ANKFN1: variants seen among roughly 807,000 people sequenced by gnomAD.
ANKFN1 encodes ankyrin repeat and fibronectin type-III domain-containing protein 1.
Under a neutral mutation model 108.7 loss-of-function variants are expected in ANKFN1, and 74 were observed. The ratio of observed to expected loss-of-function variants is 0.68; its 90% confidence interval spans 0.56 to 0.83. The LOEUF is 0.83. Ranked by LOEUF, ANKFN1 falls within the 40% of genes least tolerant of loss-of-function variation. The pLI is 0.00. For synonymous variants in ANKFN1, 547 were observed against 516.2 expected (o/e 1.06, Z -0.81); for missense variants, 1,505 against 1,382.3 (o/e 1.09, Z -1.41).
At chr17:56,335,897 C>G (rs1459775272) in intron 4 of ANKFN1, among the ~76,000 whole-genome samples, 3 of 152,136 alleles carry the variant, frequency 2.0e-5, no homozygotes, top group Admixed American at 2.0e-4. Context: ...TCCACCAATA[C>G]CTAGTTTATT....
intron 18 of ANKFN1, among the ~76,000 whole-genome samples, chr17:56,488,221 G>A (rs2050915832): frequency 6.6e-6 from 1 of 152,080 alleles, no homozygotes; most frequent in Non-Finnish European, 1.5e-5. Flanking sequence ...CTACCTCATG[G>A]GTCCACCTGG....
At position 56,376,914 on chromosome 17, in the gene ANKFN1, C is replaced by T. The variant is rs374841917; in HGVS notation, c.910+2200C>T. Among the ~76,000 whole-genome samples the T allele has an allele frequency of 2.6e-4, 40 of 152,064 alleles. 1 individual carries two copies. The East Asian group carries it at 4.3e-3, about 16-fold the overall frequency. On this transcript the variant is annotated intron_variant, in intron 8 of 20. Coordinates refer to ENST00000682825, the MANE Select transcript of ANKFN1 (RefSeq NM_001370326.1). ...AAAACAGCTGGCAGCCTACTGTATCCGCAGGAACAGCAGTGCAGTTTTTAA... is the reference window on the plus strand; with the variant it reads ...AAAACAGCTGGCAGCCTACTGTATCTGCAGGAACAGCAGTGCAGTTTTTAA...
At chr17:56,181,727 CGT>C (rs1035505263) in intron 1 of ANKFN1, among the ~76,000 whole-genome samples, 1 of 152,044 alleles carries the variant, frequency 6.6e-6, no homozygotes, top group South Asian at 2.1e-4. Context: ...CATATATGTA[CGT>C]ATATATGTTT....
At chr17:56,316,164 T>G (rs2045201273) in intron 3 of ANKFN1, among the ~76,000 whole-genome samples, 1 of 152,198 alleles carries the variant, frequency 6.6e-6, no homozygotes. Context: ...TAACTGATAG[T>G]GCAGATGGCC....
chr17:56,099,159 G>A (rs1905592368), intron 4 of ANKFN1, among the ~76,000 whole-genome samples: 1 of 152,174 alleles, frequency 6.6e-6, no homozygotes, highest in African/African-American at 2.4e-5. Flanking sequence ...AATGGATTAA[G>A]GGGAGAGAAA....
intron 8 of ANKFN1, among the ~76,000 whole-genome samples, chr17:56,386,657 G>A (rs1281351063): frequency 9.7e-6 from 1 of 102,634 alleles, no homozygotes; most frequent in East Asian, 2.7e-4. Flanking sequence ...TTCTTTTTCT[G>A]GTCTCACTTG....
intron 1 of ANKFN1, among the ~76,000 whole-genome samples, chr17:56,204,223 T>C (rs1229996516): frequency 6.6e-6 from 1 of 152,096 alleles, no homozygotes; most frequent in African/African-American, 2.4e-5. Context: ...GTTTTTGTAT[T>C]TTTAGTATAC....
chr17:56,157,665 A>G (rs1160092103), intron 1 of ANKFN1, among the ~76,000 whole-genome samples: 1 of 152,170 alleles, frequency 6.6e-6, no homozygotes, highest in Non-Finnish European at 1.5e-5. Flanking sequence ...GAGGCATTTA[A>G]ATAGGCTCTC....
intron 4 of ANKFN1, among the ~76,000 whole-genome samples, chr17:56,078,999 T>G (rs1209489118): frequency 1.3e-5 from 2 of 151,844 alleles, no homozygotes; most frequent in Non-Finnish European, 2.9e-5. Flanking sequence ...CATTTTAGAG[T>G]GATCAAGAGG....
Position 56,348,623 on chromosome 17 carries a change from T to C in ANKFN1, c.189-2143T>C, listed in dbSNP as rs144363680. On this transcript the variant is annotated intron_variant, in intron 4 of 20. Coordinates refer to ENST00000682825, the MANE Select transcript of ANKFN1 (RefSeq NM_001370326.1). ...ATGAACAGACACTTCTCAAAAGATA[T>C]ACATGTGGCCAATAAACATGCAAAA... 2.2e-3 allele frequency among the ~76,000 whole-genome samples: 337 copies of C among 152,120 alleles called. 2 individuals carry two copies. The highest frequency in any genetic ancestry group is 7.4e-3 in the African/African-American group (309 of 41,524).
chr17:56,380,089 T>C (rs1298634546), intron 8 of ANKFN1, among the ~76,000 whole-genome samples: 1 of 152,250 alleles, frequency 6.6e-6, no homozygotes, highest in African/African-American at 2.4e-5. Context: ...GGGGAGAATC[T>C]CATCCATGAG....
In ANKFN1 at chr17:56,091,420, A is replaced by ACT. The variant is rs761318845; in HGVS notation, c.288+45096_288+45097insTC. Among the ~76,000 whole-genome samples, 6 of 41,450 alleles carry ACT rather than the reference A, an allele frequency of 1.4e-4. No individual in the cohort carries two copies. In the East Asian group the frequency reaches 8.3e-3, roughly 57 times the overall value. The allele number at this position is 41,450 out of a possible 152,430, so 27.2% of individuals were successfully genotyped here. On this transcript the variant is annotated intron_variant, in intron 4 of 12. Transcript: ENST00000635860. ...ACTTCATTTTTCTTCCAAACAAATC[A>ACT]CACACACACACACACACACACACAC...
At chr17:56,126,018 G>T (rs1258547080) in intron 4 of ANKFN1, among the ~76,000 whole-genome samples, 1 of 152,156 alleles carries the variant, frequency 6.6e-6, no homozygotes, top group African/African-American at 2.4e-5. Context: ...TTATTTATGT[G>T]CTGTCTCTGG....
At chr17:56,068,954 T>C (rs557501953) in intron 4 of ANKFN1, among the ~76,000 whole-genome samples, 1 of 152,212 alleles carries the variant, frequency 6.6e-6, no homozygotes, top group African/African-American at 2.4e-5. Context: ...AATTTCTCAA[T>C]GAATTAGATA....
intron 4 of ANKFN1, among the ~76,000 whole-genome samples, chr17:56,087,320 T>A (rs1004022899): frequency 6.6e-6 from 1 of 151,320 alleles, no homozygotes; most frequent in African/African-American, 2.4e-5. Flanking sequence ...TCTTCACTCT[T>A]AGAAGGGAAG....
intron 8 of ANKFN1, among the ~76,000 whole-genome samples, chr17:56,427,546 C>T (rs12950357): frequency 0.095 from 14,403 of 151,864 alleles, 911 homozygotes; most frequent in East Asian, 0.2. Flanking sequence ...TGGTCACTGC[C>T]CCCAACCCTC....
At chr17:56,289,562 A>G (rs2044305310) in intron 3 of ANKFN1, among the ~76,000 whole-genome samples, 1 of 152,190 alleles carries the variant, frequency 6.6e-6, no homozygotes, top group South Asian at 2.1e-4. Flanking sequence ...TTCAGAATCA[A>G]ACTTGCCCTG....
rs118052357 is a variant in ANKFN1, at chr17:56,433,209, C to T, written c.911-7118C>T. 2.9e-3 allele frequency among the ~76,000 whole-genome samples: 438 copies of T among 152,162 alleles called. 7 individuals carry two copies. Among genetic ancestry groups the T allele is most frequent in the Admixed American group, 0.024 (362 of 15,276 alleles). On this transcript the variant is annotated intron_variant, in intron 8 of 20. Transcript: ENST00000682825. ...TATTTTTGTTGAACTTTTGAATCTG[C>T]AGCCAAATGGTGGCTGCAATTAATG...
chr17:56,168,424 T>C (rs552175889), intron 1 of ANKFN1, among the ~76,000 whole-genome samples: 2 of 152,336 alleles, frequency 1.3e-5, no homozygotes, highest in East Asian at 3.9e-4. Context: ...ACAAGTTGTA[T>C]ATGTATTTAT....
Sources: allele counts gnomAD v4.1 joint callset (sites outside exome capture counted in the v4.1 genomes callset), GRCh38; gene constraint gnomAD v4.1.1; transcripts MANE v1.5; gene names NCBI Gene and HGNC (gene_info 2026-07-23, HGNC 2026-07-21).